SPEF2: variants seen among roughly 807,000 people sequenced by gnomAD.
The protein encoded by SPEF2 is sperm flagella and cilia-associated protein 2.
A neutral mutation model predicts 224.6 loss-of-function variants in SPEF2; 187 were observed. That is an observed-to-expected ratio of 0.83 (90% CI 0.74 to 0.94). The LOEUF is 0.94. Ranked by LOEUF, SPEF2 falls within the 40% of genes least tolerant of loss-of-function variation. The probability of loss-of-function intolerance (pLI) is 0.00; values close to 1 mark genes in which losing one functional copy is unlikely to be tolerated. For synonymous variants in SPEF2, 715 were observed against 707.3 expected (o/e 1.01, Z -0.17); for missense variants, 2,170 against 2,135.6 (o/e 1.02, Z -0.32).
intron 8 of SPEF2, among the ~76,000 whole-genome samples, chr5:35,664,191 T>C (rs1056285342): frequency 2.0e-5 from 3 of 151,704 alleles, no homozygotes; most frequent in African/African-American, 7.3e-5. Context: ...TACATGTATT[T>C]GTGTGGCTTT....
chr5:35,801,648 T>C (rs762607292), intron 34 of SPEF2, among the ~76,000 whole-genome samples: 1 of 152,350 alleles, frequency 6.6e-6, no homozygotes, highest in Non-Finnish European at 1.5e-5. Flanking sequence ...TCTGGATCTA[T>C]GATCTAAGCC....
chr5:35,795,915 C>G (rs973683359), intron 33 of SPEF2, 120 bp downstream of exon 33: 18 of 849,854 alleles, frequency 2.1e-5, no homozygotes, highest in Non-Finnish European at 3.4e-5. Context: ...CCTCTGCTGC[C>G]TCTCCAAAGT....
At chr5:35,618,460 C>T (rs943156820) in intron 1 of SPEF2, among the ~76,000 whole-genome samples, 1 of 152,104 alleles carries the variant, frequency 6.6e-6, no homozygotes, top group Non-Finnish European at 1.5e-5. Context: ...CTTCACATCA[C>T]CAGAAGCAGA....
At chr5:35,804,388 C>T (rs938028304) in intron 34 of SPEF2, among the ~76,000 whole-genome samples, 25 of 152,210 alleles carry the variant, frequency 1.6e-4, no homozygotes, top group Admixed American at 1.6e-3. Flanking sequence ...GATAATTGCT[C>T]ATTCAAAAGT....
In SPEF2 at chr5:35,700,325, A is replaced by G. The variant is rs60114739; in HGVS notation, c.2142-171A>G. On this transcript the variant is annotated intron_variant, in intron 15 of 36. Transcript: ENST00000356031. ...AGTATCCACAGAAGTATTTTTAAGCAAGGGAGTGATTGTGGCACATCAGTA... is the reference window on the plus strand; with the variant it reads ...AGTATCCACAGAAGTATTTTTAAGCGAGGGAGTGATTGTGGCACATCAGTA... 40,552 of 643,296 alleles carry G rather than the reference A, an allele frequency of 0.063. 2,224 individuals are homozygous for G. The highest frequency in any genetic ancestry group is 0.22 in the African/African-American group (12,077 of 54,562). 39.8% of individuals were successfully genotyped at this position (643,296 alleles called of 1,614,324 possible). A position where few individuals can be genotyped will look rare whatever the true frequency, so the allele number is the denominator to read the frequency against.
chr5:35,622,637 T>C (rs1743684643), intron 1 of SPEF2, among the ~76,000 whole-genome samples: 1 of 152,194 alleles, frequency 6.6e-6, no homozygotes, highest in Non-Finnish European at 1.5e-5. Context: ...TTACACATTT[T>C]CTCATACTTA....
chr5:35,648,938 C>T (rs1420315880), intron 5 of SPEF2, among the ~76,000 whole-genome samples: 1 of 150,266 alleles, frequency 6.7e-6, no homozygotes, highest in Admixed American at 6.7e-5. Context: ...CACTTGAACC[C>T]GGGAGGTGGA....
intron 36 of SPEF2, chr5:35,807,945 T>C: frequency 7.2e-7 from 1 of 1,391,536 alleles, no homozygotes; most frequent in Non-Finnish European, 9.3e-7. Context: ...CAGATACCAG[T>C]TTAACACGAA....
chr5:35,795,011 C>A (rs1254418526), intron 32 of SPEF2, among the ~76,000 whole-genome samples: 4 of 152,044 alleles, frequency 2.6e-5, no homozygotes, highest in Admixed American at 1.3e-4. Context: ...CATTGCCCCT[C>A]CCCCCACAAT....
At chr5:35,672,718 T>G (rs555592328) in intron 10 of SPEF2, among the ~76,000 whole-genome samples, 322 of 152,070 alleles carry the variant, frequency 2.1e-3, no homozygotes, top group Non-Finnish European at 3.7e-3. Flanking sequence ...TAATGAACAT[T>G]ATGTTCAAGC....
chr5:35,737,122 C>CT (rs963057045), intron 21 of SPEF2, among the ~76,000 whole-genome samples: 30 of 151,484 alleles, frequency 2.0e-4, no homozygotes, highest in South Asian at 1.0e-3. Flanking sequence ...TTAACAATTT[C>CT]TTTTTTTTTG....
At chr5:35,753,422 G>T (rs1020863689) in intron 23 of SPEF2, among the ~76,000 whole-genome samples, 4 of 152,100 alleles carry the variant, frequency 2.6e-5, no homozygotes, top group Non-Finnish European at 4.4e-5. Context: ...ATGTGGTGAG[G>T]TCCTCTTCAA....
intron 33 of SPEF2, among the ~76,000 whole-genome samples, chr5:35,796,345 C>A (rs10941264): frequency 8.6e-5 from 13 of 151,954 alleles, no homozygotes; most frequent in African/African-American, 3.1e-4. Flanking sequence ...CGGTGGCTCA[C>A]GCCTGTAATC....
rs189280466 is a variant in SPEF2, at chr5:35,636,852, T to G, written c.162-4579T>G. On this transcript the variant is annotated intron_variant, in intron 2 of 36. Transcript: ENST00000356031. ...TTAGCTGGGTATGGTGGTGGGCACC[T>G]GTATTCCCAGCTACTCAGGAGGCTG... Among the ~76,000 whole-genome samples, 1,369 of 151,962 alleles carry G rather than the reference T, an allele frequency of 9.0e-3. 15 individuals carry two copies. Among genetic ancestry groups the G allele is most frequent in the Admixed American group, 0.013 (205 of 15,268 alleles).
At chr5:35,633,773 T>G (rs1430201570) in intron 2 of SPEF2, among the ~76,000 whole-genome samples, 1 of 152,056 alleles carries the variant, frequency 6.6e-6, no homozygotes, top group African/African-American at 2.4e-5. Flanking sequence ...TACTGTATTT[T>G]TTGAGTCATT....
intron 28 of SPEF2, among the ~76,000 whole-genome samples, chr5:35,775,069 C>CCAAGTCCTGTGTACATATAAA (rs1753419678): frequency 6.6e-6 from 1 of 152,116 alleles, no homozygotes; most frequent in African/African-American, 2.4e-5. Context: ...GTGATAGTTG[C>CCAAGTCCTGTGTACATATAAA]TGGAGACACA....
At chr5:35,814,421 C>T (rs1289186938) in intron 36 of SPEF2, 43 bp from the exon 37 acceptor site, 1 of 1,169,936 alleles carries the variant, frequency 8.5e-7, no homozygotes, top group Non-Finnish European at 1.3e-6. Context: ...ATTGATCATC[C>T]TTTATTAGTA....
intron 21 of SPEF2, among the ~76,000 whole-genome samples, chr5:35,729,636 C>A (rs554172426): frequency 6.6e-6 from 1 of 152,234 alleles, no homozygotes; most frequent in African/African-American, 2.4e-5. Context: ...CTGGACTCCC[C>A]ACACGTGAAC....
At chr5:35,764,612 C>T (rs191426688) in intron 26 of SPEF2, 419 of 456,198 alleles carry the variant, frequency 9.2e-4, no homozygotes, top group Non-Finnish European at 1.7e-3. Flanking sequence ...CATGAAATAT[C>T]GCATTCAAAC....
Sources: gnomAD v4.1 joint callset for allele counts (sites outside exome capture counted in the v4.1 genomes callset) on GRCh38, gnomAD v4.1.1 for gene constraint, MANE v1.5 for transcripts, NCBI Gene and HGNC (gene_info 2026-07-23, HGNC 2026-07-21) for gene names.